The following OR52N4 variants were observed in gnomAD, a reference collection of about 807,000 sequenced individuals.
OR52N4 encodes the protein olfactory receptor family 52 subfamily N member 4.
A neutral mutation model predicts 15.0 loss-of-function variants in OR52N4; 15 were observed. The observed-to-expected ratio is 1.00, with a 90% CI of 0.67 to 1.54. The LOEUF (loss-of-function observed/expected upper bound fraction) is 1.54. OR52N4 is among the 40% of genes most tolerant of loss of function. OR52N4 has a pLI of 0.00. For missense variants in OR52N4, 421 were observed against 394.0 expected (o/e 1.07, Z -0.58); for synonymous variants, 143 against 143.7 (o/e 1.00, Z 0.03).
In OR52N4 at chr11:5,755,650, G is replaced by T; in HGVS notation, c.910G>T (p.Asp304Tyr). 1 of 1,613,746 alleles carries T rather than the reference G, an allele frequency of 6.2e-7. No homozygotes were observed. Among genetic ancestry groups the T allele is most frequent in the African/African-American group, 1.3e-5 (1 of 75,024 alleles). The change falls in exon 2 of 2, where the codon GAC becomes TAC. Residue 304 changes from aspartate to tyrosine, a missense_variant. Transcript: ENST00000641350. The part of the protein sequence containing the change: ...VYGVKTKQIR[D>Y]CVIRILSGSK... The stretch of plus-strand genomic sequence containing the variant: ...TGGGGTGAAAACCAAACAGATACGA[G>T]ACTGTGTCATAAGGATCCTTTCAGG...
At chr11:5,736,597 G>A in the OR52N4 span, 134 of 1,613,914 alleles carry the variant, frequency 8.3e-5, no homozygotes, top group African/African-American at 3.2e-4. Flanking sequence ...TGGGATTCCC[G>A]GGCATTCACA....
the OR52N4 span, among the ~76,000 whole-genome samples, chr11:5,743,545 A>C: frequency 6.6e-6 from 1 of 152,188 alleles, no homozygotes; most frequent in Non-Finnish European, 1.5e-5. Context: ...TTCTTACACC[A>C]CAGTGGATTA....
chr11:5,750,371 T>A (rs765927893), upstream of OR52N4, among the ~76,000 whole-genome samples: 1 of 151,954 alleles, frequency 6.6e-6, no homozygotes, highest in Non-Finnish European at 1.5e-5. Flanking sequence ...AATAGCATTT[T>A]CCATTACTTG....
chr11:5,746,239 G>A, the OR52N4 span, among the ~76,000 whole-genome samples: 4 of 152,042 alleles, frequency 2.6e-5, no homozygotes, highest in Admixed American at 1.3e-4. Context: ...GGAGATTTAG[G>A]CAAAGAATTT....
the OR52N4 span, among the ~76,000 whole-genome samples, chr11:5,728,390 G>A: frequency 6.6e-6 from 1 of 152,122 alleles, no homozygotes; most frequent in Non-Finnish European, 1.5e-5. Context: ...AACTCCATGT[G>A]GTGATGGAAA....
chr11:5,738,864 A>G, the OR52N4 span, among the ~76,000 whole-genome samples: 38 of 64,656 alleles, frequency 5.9e-4, 10 homozygotes, highest in Admixed American at 4.5e-3. Context: ...TTTCCATTAA[A>G]CACATGCTCA....
At chr11:5,748,423 T>A in the OR52N4 span, among the ~76,000 whole-genome samples, 106 of 151,944 alleles carry the variant, frequency 7.0e-4, no homozygotes, top group African/African-American at 2.3e-3. Flanking sequence ...AATTATTGTA[T>A]CATAATGATG....
At chr11:5,746,032 T>G in the OR52N4 span, among the ~76,000 whole-genome samples, 1 of 152,106 alleles carries the variant, frequency 6.6e-6, no homozygotes, top group South Asian at 2.1e-4. Context: ...TTCGACAAAG[T>G]CACTAAAATA....
chr11:5,754,721 C>T lies in OR52N4; in HGVS notation c.-20C>T. The T allele has an allele frequency of 6.4e-7, 1 of 1,573,910 alleles. No individual in the cohort carries two copies. The highest frequency in any genetic ancestry group is 8.6e-7 in the Non-Finnish European group (1 of 1,161,218). ...AGCCCAGACAAATTTTGAGCTATTT[C>T]ATAACCTACCAGACTTATCATGCTA... On this transcript the variant is annotated 5_prime_UTR_variant, in exon 2 of 2. Transcript: ENST00000641350.
At chr11:5,748,147 T>G in the OR52N4 span, among the ~76,000 whole-genome samples, 1 of 151,960 alleles carries the variant, frequency 6.6e-6, no homozygotes, top group Non-Finnish European at 1.5e-5. Flanking sequence ...AGTTTTATAA[T>G]GTTAAATTAA....
the OR52N4 span, among the ~76,000 whole-genome samples, chr11:5,735,228 C>G: frequency 1.3e-5 from 2 of 151,912 alleles, no homozygotes; most frequent in Non-Finnish European, 2.9e-5. Context: ...TGAAAAATTA[C>G]TAATTTTAGC....
chr11:5,736,964 A>G, the OR52N4 span: 1 of 1,614,056 alleles, frequency 6.2e-7, no homozygotes, highest in Non-Finnish European at 8.5e-7. Flanking sequence ...CAGTTCCTTA[A>G]TCTTAAAAGC....
At chr11:5,743,117 T>C in the OR52N4 span, among the ~76,000 whole-genome samples, 1 of 151,570 alleles carries the variant, frequency 6.6e-6, no homozygotes, top group African/African-American at 2.4e-5. Context: ...CCAGACTTTA[T>C]ATAAACAACA....
chr11:5,753,823 T>C (rs1854236861), upstream of OR52N4, among the ~76,000 whole-genome samples: 1 of 151,846 alleles, frequency 6.6e-6, no homozygotes, highest in African/African-American at 2.4e-5. Context: ...TGAAACCCCA[T>C]CTCTGCTAAA....
chr11:5,755,424 C>T lies in OR52N4; in HGVS notation c.684C>T (p.Val228=), dbSNP rs1343994565. Residue 228 remains valine, a synonymous_variant, in exon 2 of 2, where the codon GTC becomes GTT. Transcript: ENST00000641350. ...ATACCATGATTCTCCGGGCAGTGGT[C>T]AGCCTCTCCTCAGCAGATGCTCGGC... ...NSYTMILRAV[V]SLSSADARQK... 1 of 1,614,078 alleles carries T rather than the reference C, an allele frequency of 6.2e-7. No individual in the cohort carries two copies. The highest frequency in any genetic ancestry group is 1.7e-5 in the Admixed American group (1 of 60,002).
At chr11:5,751,974 T>A (rs1037199722), upstream of OR52N4, among the ~76,000 whole-genome samples, 39 of 152,100 alleles carry the variant, frequency 2.6e-4, no homozygotes, top group African/African-American at 9.4e-4. Flanking sequence ...TTGAAGAATG[T>A]ATAGGGATTA....
chr11:5,754,667 T>C, intron 1 of OR52N4, 26 bp from the exon 2 acceptor site: 1 of 1,434,140 alleles, frequency 7.0e-7, no homozygotes, highest in Non-Finnish European at 9.4e-7. Flanking sequence ...ACCTATATTT[T>C]CTCTTGTTTT....
the OR52N4 span, among the ~76,000 whole-genome samples, chr11:5,746,646 T>C: frequency 6.6e-6 from 1 of 152,282 alleles, no homozygotes; most frequent in Admixed American, 6.5e-5. Context: ...GTGATTAAAA[T>C]GTGTATAAAC....
At chr11:5,727,703 C>T in the OR52N4 span, among the ~76,000 whole-genome samples, 9 of 152,154 alleles carry the variant, frequency 5.9e-5, no homozygotes, top group Admixed American at 5.9e-4. Flanking sequence ...AAACAACCCA[C>T]TGTGTTCTGG....
Sources: allele counts gnomAD v4.1 joint callset (sites outside exome capture counted in the v4.1 genomes callset), GRCh38; gene constraint gnomAD v4.1.1; transcripts MANE v1.5; gene names NCBI Gene and HGNC (gene_info 2026-07-23, HGNC 2026-07-21).